Variants in SHISA9 observed in about 807,000 individuals in gnomAD.
SHISA9 encodes shisa family member 9, also known as protein shisa-9.
In SHISA9, 13 loss-of-function variants were observed where a neutral mutation model predicts 38.0. That is an observed-to-expected ratio of 0.34 (90% CI 0.22 to 0.54). SHISA9 has a LOEUF of 0.54. SHISA9 is among the 20% of genes least tolerant of loss of function. The pLI is 0.91. For synonymous variants in SHISA9, 275 were observed against 242.0 expected (o/e 1.14, Z -1.27); for missense variants, 538 against 575.8 (o/e 0.93, Z 0.67).
chr16:13,308,064 C>T, the SHISA9 span, among the ~76,000 whole-genome samples: 8 of 152,216 alleles, frequency 5.3e-5, no homozygotes, highest in African/African-American at 1.9e-4. Context: ...GTCTCCCTTG[C>T]TCTTTTATGA....
chr16:13,033,831 A>T (rs1195351293), intron 2 of SHISA9, among the ~76,000 whole-genome samples: 1 of 152,202 alleles, frequency 6.6e-6, no homozygotes, highest in African/African-American at 2.4e-5. Context: ...ATGATTGGAA[A>T]AATGAAAGAA....
the SHISA9 span, among the ~76,000 whole-genome samples, chr16:13,389,374 C>A: frequency 6.6e-6 from 1 of 152,012 alleles, no homozygotes; most frequent in Non-Finnish European, 1.5e-5. Context: ...ATTTAAGGGC[C>A]GTGTCTCTTT....
At chr16:13,109,518 C>T (rs187424950) in intron 2 of SHISA9, among the ~76,000 whole-genome samples, 60 of 152,314 alleles carry the variant, frequency 3.9e-4, no homozygotes, top group Non-Finnish European at 7.3e-4. Context: ...GACTTAAAAA[C>T]CCCCAACTTT....
the SHISA9 span, among the ~76,000 whole-genome samples, chr16:13,271,218 G>A: frequency 4.6e-5 from 7 of 152,248 alleles, no homozygotes; most frequent in South Asian, 4.1e-4. Flanking sequence ...CTGGTGATCC[G>A]GGAACTGTAA....
At chr16:13,261,333 G>A in the SHISA9 span, among the ~76,000 whole-genome samples, 1 of 152,150 alleles carries the variant, frequency 6.6e-6, no homozygotes, top group Non-Finnish European at 1.5e-5. Flanking sequence ...TCCTGATAGC[G>A]GTGGTGGTTG....
At chr16:13,509,198 G>A in the SHISA9 span, among the ~76,000 whole-genome samples, 2 of 152,050 alleles carry the variant, frequency 1.3e-5, no homozygotes, top group African/African-American at 4.8e-5. Flanking sequence ...CTGCACCCAT[G>A]AGTGGGGTAG....
the SHISA9 span, among the ~76,000 whole-genome samples, chr16:13,290,859 T>G: frequency 6.6e-6 from 1 of 152,156 alleles, no homozygotes; most frequent in South Asian, 2.1e-4. Context: ...AGCGTTCATT[T>G]TACTCGCTTA....
the SHISA9 span, among the ~76,000 whole-genome samples, chr16:13,437,483 G>A: frequency 6.6e-6 from 1 of 152,128 alleles, no homozygotes; most frequent in Non-Finnish European, 1.5e-5. Context: ...AGTGGAGAGA[G>A]GTGACCCCTT....
chr16:13,390,278 C>T, the SHISA9 span, among the ~76,000 whole-genome samples: 1 of 152,122 alleles, frequency 6.6e-6, no homozygotes. Flanking sequence ...CAGAACCAAA[C>T]CTGCATTTCA....
At chr16:13,468,227 G>A in the SHISA9 span, among the ~76,000 whole-genome samples, 122 of 152,316 alleles carry the variant, frequency 8.0e-4, no homozygotes, top group African/African-American at 2.8e-3. Flanking sequence ...CAGAAAGCTT[G>A]TTGCTGGAAA....
At chr16:13,308,133 C>T in the SHISA9 span, among the ~76,000 whole-genome samples, 323 of 152,028 alleles carry the variant, frequency 2.1e-3, 1 homozygote, top group South Asian at 5.6e-3. Context: ...TTGGAGGCAC[C>T]ACATGAGTAA....
chr16:13,234,016 A>T (rs541683890), intron 4 of SHISA9, among the ~76,000 whole-genome samples: 5 of 152,246 alleles, frequency 3.3e-5, no homozygotes, highest in African/African-American at 1.2e-4. Flanking sequence ...AAATAATAAT[A>T]AATAAATAAA....
chr16:13,106,966 TTCTCTCTCTCTCTCTCTCTCTC>T (rs56109043), intron 2 of SHISA9, among the ~76,000 whole-genome samples: 1 of 145,206 alleles, frequency 6.9e-6, no homozygotes, highest in Non-Finnish European at 1.5e-5. Flanking sequence ...CTTTCTCACG[TTCTCTCTCTCTCTCTCTCTCTC>T]TCTCTCTCTC....
chr16:12,948,715 C>T (rs746423265), intron 2 of SHISA9, among the ~76,000 whole-genome samples: 9 of 152,144 alleles, frequency 5.9e-5, no homozygotes, highest in African/African-American at 9.7e-5. Flanking sequence ...GAGCTAATCA[C>T]GTCTGAAGGC....
chr16:12,974,649 C>G (rs945936940), intron 2 of SHISA9, among the ~76,000 whole-genome samples: 1 of 151,934 alleles, frequency 6.6e-6, no homozygotes, highest in Non-Finnish European at 1.5e-5. Context: ...CCATGCCCAG[C>G]TAATTTTTAT....
the SHISA9 span, among the ~76,000 whole-genome samples, chr16:13,332,759 C>G: frequency 6.6e-6 from 1 of 152,084 alleles, no homozygotes; most frequent in Non-Finnish European, 1.5e-5. Context: ...AGGAGCCTCA[C>G]GTGAGAGGAT....
the SHISA9 span, among the ~76,000 whole-genome samples, chr16:13,432,650 A>C: frequency 6.6e-6 from 1 of 152,132 alleles, no homozygotes; most frequent in Non-Finnish European, 1.5e-5. Context: ...TGGACCTACT[A>C]TGTTCAAAGC....
chr16:13,265,042 C>T, the SHISA9 span, among the ~76,000 whole-genome samples: 2 of 133,690 alleles, frequency 1.5e-5, no homozygotes, highest in Non-Finnish European at 3.3e-5. Flanking sequence ...CTCTCCTCCC[C>T]ATCCCTCCCT....
chr16:13,352,470 A>C, the SHISA9 span, among the ~76,000 whole-genome samples: 3 of 152,028 alleles, frequency 2.0e-5, no homozygotes, highest in Non-Finnish European at 2.9e-5. Flanking sequence ...CCGTAGGGAG[A>C]TGGGAGCGTA....
Sources: allele counts gnomAD v4.1 joint callset (sites outside exome capture counted in the v4.1 genomes callset), GRCh38; gene constraint gnomAD v4.1.1; transcripts MANE v1.5; gene names NCBI Gene and HGNC (gene_info 2026-07-23, HGNC 2026-07-21).